Variants in CCDC91 observed in about 807,000 individuals in gnomAD.
The protein encoded by CCDC91 is coiled-coil domain containing 91.
Under a neutral mutation model 63.2 loss-of-function variants are expected in CCDC91, and 48 were observed. The ratio of observed to expected loss-of-function variants is 0.76; its 90% CI spans 0.60 to 0.97. CCDC91 has a LOEUF of 0.97. Ranked by LOEUF, CCDC91 falls within the 50% of genes least tolerant of loss-of-function variation. The pLI is 0.00. For missense variants in CCDC91, 500 were observed against 494.6 expected (o/e 1.01, Z -0.10); for synonymous variants, 167 against 165.8 (o/e 1.01, Z -0.06).
chr12:28,450,488 T>G, intron 10 of CCDC91, 70 bp downstream of exon 10: 1 of 1,033,370 alleles, frequency 9.7e-7, no homozygotes, highest in Non-Finnish European at 1.5e-6. Flanking sequence ...ATTAATAGTA[T>G]TCTCAATCTT....
intron 12 of CCDC91, among the ~76,000 whole-genome samples, chr12:28,496,935 TATATATAC>T (rs1460573837): frequency 7.0e-5 from 10 of 143,362 alleles, no homozygotes; most frequent in African/African-American, 2.6e-4. Flanking sequence ...TATATACATA[TATATATAC>T]ATATATATAT....
At chr12:28,315,821 T>A (rs889617003) in intron 6 of CCDC91, among the ~76,000 whole-genome samples, 3 of 151,714 alleles carry the variant, frequency 2.0e-5, no homozygotes, top group African/African-American at 7.3e-5. Context: ...TTTTTTTTAA[T>A]CCTTGTAGAA....
At chr12:28,452,447 A>C in intron 10 of CCDC91, 31 bp from the exon 11 acceptor site, 4 of 1,436,728 alleles carry the variant, frequency 2.8e-6, no homozygotes, top group Non-Finnish European at 3.8e-6. Flanking sequence ...GCAGTCTTTC[A>C]AATTTGTTCT....
At chr12:28,478,968 T>G (rs1372415206) in intron 11 of CCDC91, among the ~76,000 whole-genome samples, 1 of 152,064 alleles carries the variant, frequency 6.6e-6, no homozygotes, top group Admixed American at 6.6e-5. Flanking sequence ...AAACAACAGG[T>G]GCTGGAGAGG....
chr12:28,318,320 C>A (rs1408858484), intron 6 of CCDC91, among the ~76,000 whole-genome samples: 2 of 150,736 alleles, frequency 1.3e-5, no homozygotes, highest in African/African-American at 4.9e-5. Context: ...CCAGGTAAAT[C>A]GAGACCAGCT....
At chr12:28,472,046 C>T (rs528137401) in intron 11 of CCDC91, among the ~76,000 whole-genome samples, 81 of 152,296 alleles carry the variant, frequency 5.3e-4, no homozygotes, top group Admixed American at 4.4e-3. Flanking sequence ...CCACCACGCC[C>T]GGCCCATTGT....
chr12:28,477,980 C>G (rs183526642), intron 11 of CCDC91, among the ~76,000 whole-genome samples: 148 of 152,048 alleles, frequency 9.7e-4, no homozygotes, highest in East Asian at 3.3e-3. Context: ...ACAAATGGAA[C>G]AACATTCCAT....
chr12:28,511,888 A>G (rs1287707368), intron 12 of CCDC91, among the ~76,000 whole-genome samples: 1 of 151,858 alleles, frequency 6.6e-6, no homozygotes, highest in East Asian at 1.9e-4. Context: ...GCCATGAGAA[A>G]ATAATAAAAG....
At chr12:28,425,581 G>A (rs1948266949) in intron 8 of CCDC91, among the ~76,000 whole-genome samples, 1 of 152,154 alleles carries the variant, frequency 6.6e-6, no homozygotes, top group South Asian at 2.1e-4. Context: ...TAGCTTCTCT[G>A]TTGTTCTATA....
intron 3 of CCDC91, among the ~76,000 whole-genome samples, chr12:28,277,272 A>G (rs1948298940): frequency 2.0e-5 from 3 of 152,026 alleles, no homozygotes; most frequent in Non-Finnish European, 4.4e-5. Context: ...AATACTCATC[A>G]TGAATTCTAT....
At chr12:28,526,719 C>T (rs1941294378) in intron 12 of CCDC91, among the ~76,000 whole-genome samples, 1 of 152,034 alleles carries the variant, frequency 6.6e-6, no homozygotes, top group African/African-American at 2.4e-5. Context: ...TTAGTTTTCT[C>T]TTCCTCCTCA....
intron 12 of CCDC91, among the ~76,000 whole-genome samples, chr12:28,495,903 A>C (rs532425633): frequency 6.6e-6 from 1 of 151,570 alleles, no homozygotes; most frequent in African/African-American, 2.4e-5. Flanking sequence ...GCTGCTGCAC[A>C]CTATGAACTA....
chr12:28,548,341 C>G (rs2141897754), intron 12 of CCDC91, among the ~76,000 whole-genome samples: 1 of 152,226 alleles, frequency 6.6e-6, no homozygotes, highest in African/African-American at 2.4e-5. Context: ...GCAATCTTGG[C>G]TCACTGCAAC....
intron 8 of CCDC91, among the ~76,000 whole-genome samples, chr12:28,394,359 C>G (rs889538428): frequency 6.6e-6 from 1 of 151,578 alleles, no homozygotes; most frequent in East Asian, 1.9e-4. Flanking sequence ...TCAGCTACTC[C>G]GGAGGCTAAG....
At chr12:28,516,564 A>C (rs1348500439) in intron 12 of CCDC91, among the ~76,000 whole-genome samples, 2 of 151,922 alleles carry the variant, frequency 1.3e-5, no homozygotes, top group East Asian at 1.9e-4. Flanking sequence ...AGATTGTGCC[A>C]CTGTACTCCA....
At chr12:28,457,692 C>A (rs1280904999) in intron 11 of CCDC91, among the ~76,000 whole-genome samples, 1 of 151,446 alleles carries the variant, frequency 6.6e-6, no homozygotes, top group Non-Finnish European at 1.5e-5. Flanking sequence ...AGATGTTTTC[C>A]TTTGGCCTTG....
chr12:28,205,942 C>T (rs1326442752), intron 1 of CCDC91, among the ~76,000 whole-genome samples: 2 of 152,150 alleles, frequency 1.3e-5, no homozygotes, highest in African/African-American at 2.4e-5. Context: ...TCATTAATGT[C>T]ACAATCATTG....
intron 8 of CCDC91, among the ~76,000 whole-genome samples, chr12:28,414,196 A>G (rs1246613357): frequency 6.6e-6 from 1 of 152,190 alleles, no homozygotes; most frequent in East Asian, 1.9e-4. Context: ...TGTTAGATAT[A>G]TATTTTTTAC....
intron 12 of CCDC91, among the ~76,000 whole-genome samples, chr12:28,509,013 T>C (rs1939067104): frequency 6.6e-6 from 1 of 151,996 alleles, no homozygotes; most frequent in Non-Finnish European, 1.5e-5. Context: ...GCCAGTAACT[T>C]CTAGTTGTAT....
Sources: allele counts gnomAD v4.1 joint callset (sites outside exome capture counted in the v4.1 genomes callset), GRCh38; gene constraint gnomAD v4.1.1; transcripts MANE v1.5; gene names NCBI Gene and HGNC (gene_info 2026-07-23, HGNC 2026-07-21).